SKP2: variants seen among roughly 807,000 people sequenced by gnomAD.
The protein encoded by SKP2 is S-phase kinase-associated protein 2.
In SKP2, 16 loss-of-function variants were observed where a neutral mutation model predicts 51.8. The observed-to-expected ratio is 0.31, with a 90% CI of 0.21 to 0.47. SKP2 has a LOEUF of 0.47. Ranked by LOEUF, SKP2 falls within the 20% of genes least tolerant of loss-of-function variation. The pLI, the probability that SKP2 is intolerant of heterozygous loss-of-function variation, is 1.00. For synonymous variants in SKP2, 176 were observed against 198.6 expected (o/e 0.89, Z 0.96); for missense variants, 377 against 505.3 (o/e 0.75, Z 2.43).
chr5:36,161,449 T>C (rs1440669402), intron 2 of SKP2, among the ~76,000 whole-genome samples: 1 of 152,110 alleles, frequency 6.6e-6, no homozygotes, highest in Admixed American at 6.6e-5. Flanking sequence ...TGATTTTAAA[T>C]GAATAGTAGT....
chr5:36,174,705 G>A (rs899480241), intron 7 of SKP2, among the ~76,000 whole-genome samples: 3 of 152,098 alleles, frequency 2.0e-5, no homozygotes, highest in Non-Finnish European at 2.9e-5. Context: ...CAGATAGAAT[G>A]TGGCAGAAAG....
At chr5:36,170,872 A>G (rs1157459957) in intron 6 of SKP2, among the ~76,000 whole-genome samples, 2 of 152,212 alleles carry the variant, frequency 1.3e-5, no homozygotes, top group African/African-American at 4.8e-5. Flanking sequence ...TAATAATGTC[A>G]GCACATAAAG....
At position 36,152,259 on chromosome 5, in the gene SKP2, C is replaced by G. The variant is rs1561528436; in HGVS notation, c.-4C>G. On this transcript the variant is annotated 5_prime_UTR_variant, in exon 1 of 10. Coordinates refer to ENST00000274255, the MANE Select transcript of SKP2 (RefSeq NM_005983.4). Reference sequence around the variant, plus strand: ...TATTTTAAACTCCCGGGCCTGCGGACGCTATGCACAGGTAAACGGATTGCA... The same window carrying G: ...TATTTTAAACTCCCGGGCCTGCGGAGGCTATGCACAGGTAAACGGATTGCA... 6.2e-7 allele frequency: 1 copy of G among 1,613,852 alleles called. No individual in the cohort carries two copies. The highest frequency in any genetic ancestry group is 8.5e-7 in the Non-Finnish European group (1 of 1,179,698).
rs530345304 is a variant in SKP2, at chr5:36,183,278, T to G, written c.*1247T>G. On this transcript the variant is annotated 3_prime_UTR_variant, in exon 10 of 10. Coordinates refer to ENST00000274255, the MANE Select transcript of SKP2 (RefSeq NM_005983.4). Reference sequence around the variant, plus strand: ...AAATTCTACTTCTATTTTTTTTTTTTTTTTTTGAGACGGAGTCTCGCTCTG... The same window carrying G: ...AAATTCTACTTCTATTTTTTTTTTTGTTTTTTGAGACGGAGTCTCGCTCTG... The G allele has an allele frequency of 1.2e-4, 105 of 875,858 alleles. No homozygotes were observed. In the African/African-American group the frequency reaches 1.8e-3, roughly 15 times the overall value. The allele number at this position is 875,858 out of a possible 1,614,324, so 54.3% of individuals were successfully genotyped here.
At chr5:36,171,230 G>A (rs1579566278) in intron 6 of SKP2, among the ~76,000 whole-genome samples, 1 of 152,156 alleles carries the variant, frequency 6.6e-6, no homozygotes, top group East Asian at 1.9e-4. Flanking sequence ...AATCCTCAGT[G>A]CAATCCATCA....
intron 2 of SKP2, among the ~76,000 whole-genome samples, chr5:36,155,572 A>G (rs1475732969): frequency 2.0e-5 from 3 of 152,216 alleles, no homozygotes; most frequent in Admixed American, 2.0e-4. Flanking sequence ...TTTGGAGGCT[A>G]GTGGACTTTT....
chr5:36,173,741 G>A (rs37217), intron 7 of SKP2, among the ~76,000 whole-genome samples: 131,502 of 152,146 alleles, frequency 0.86, 57,568 homozygotes, highest in Non-Finnish European at 0.94. Flanking sequence ...GAGACAGACT[G>A]TAAATTGAAG....
At chr5:36,168,948 C>T (rs938330809) in intron 5 of SKP2, among the ~76,000 whole-genome samples, 1 of 152,166 alleles carries the variant, frequency 6.6e-6, no homozygotes, top group African/African-American at 2.4e-5. Flanking sequence ...TTGAAGATAT[C>T]TAGGTAGGAG....
chr5:36,155,880 T>C (rs1368282160), intron 2 of SKP2, among the ~76,000 whole-genome samples: 1 of 152,152 alleles, frequency 6.6e-6, no homozygotes, highest in South Asian at 2.1e-4. Flanking sequence ...GAGTCTTTGC[T>C]ATTTCCCAGG....
downstream of SKP2, among the ~76,000 whole-genome samples, chr5:36,187,189 C>A (rs1036768861): frequency 2.6e-5 from 4 of 151,834 alleles, no homozygotes; most frequent in Admixed American, 1.3e-4. Flanking sequence ...AAAACCAGCT[C>A]CTGGATTCAT....
At chr5:36,189,934 C>G (rs1399224066) in intron 6 of SKP2, among the ~76,000 whole-genome samples, 2 of 152,214 alleles carry the variant, frequency 1.3e-5, no homozygotes, top group South Asian at 2.1e-4. Context: ...CACCCCTCCC[C>G]TAGCCTCGCT....
intron 4 of SKP2, 74 bp downstream of exon 4, chr5:36,166,736 T>C: frequency 3.6e-6 from 5 of 1,381,950 alleles, no homozygotes; most frequent in Non-Finnish European, 4.0e-6. Flanking sequence ...TTTTTTTTTT[T>C]TTTTCTTTCT....
Position 36,153,213 on chromosome 5 carries a change from G to GATATATATATAT in SKP2, c.280+190_280+201dup, listed in dbSNP as rs3038049. Among the ~76,000 whole-genome samples the GATATATATATAT allele has an allele frequency of 2.2e-3, 320 of 147,548 alleles. 2 individuals are homozygous for GATATATATATAT. Among genetic ancestry groups the GATATATATATAT allele is most frequent in the African/African-American group, 7.3e-3 (287 of 39,328 alleles). ...CGTCAAGTATGCAGGAATCTTGGTA[G>GATATATATATAT]ATATATATATATATATATATATATA... On this transcript the variant is annotated intron_variant, in intron 2 of 9. Coordinates refer to ENST00000274255, the MANE Select transcript of SKP2 (RefSeq NM_005983.4).
chr5:36,174,250 T>A (rs1030082751), intron 7 of SKP2, among the ~76,000 whole-genome samples: 8 of 152,100 alleles, frequency 5.3e-5, no homozygotes, highest in African/African-American at 1.9e-4. Flanking sequence ...TCCTTCTAGC[T>A]CAGGTTGGGT....
At chr5:36,188,738 G>A (rs373767116), downstream of SKP2, among the ~76,000 whole-genome samples, 3 of 152,084 alleles carry the variant, frequency 2.0e-5, no homozygotes, top group East Asian at 1.9e-4. Context: ...GAGTTTCTTT[G>A]TGGTGTTCTC....
At chr5:36,177,321 T>C (rs1472118720) in intron 9 of SKP2, 29 bp downstream of exon 9, 2 of 1,340,762 alleles carry the variant, frequency 1.5e-6, no homozygotes, top group Non-Finnish European at 2.1e-6. Flanking sequence ...TAATGCTTAA[T>C]AGAAGGCAGG....
chr5:36,156,586 G>A (rs1027207060), intron 2 of SKP2, among the ~76,000 whole-genome samples: 5 of 152,046 alleles, frequency 3.3e-5, no homozygotes, highest in Admixed American at 3.3e-4. Flanking sequence ...GGAGGAAATG[G>A]CCCAGCAATG....
chr5:36,167,211 A>C lies in SKP2; in HGVS notation c.536+549A>C, dbSNP rs962760606. Among the ~76,000 whole-genome samples, 4 of 152,178 alleles carry C rather than the reference A, an allele frequency of 2.6e-5. No homozygotes were observed. The East Asian group carries it at 7.7e-4, about 29-fold the overall frequency. Reference sequence around the variant, plus strand: ...GGTTACTGCTATCACATAGTAGAATAACTAGGTACTGAACAGAAAAACAAG... The same window carrying C: ...GGTTACTGCTATCACATAGTAGAATCACTAGGTACTGAACAGAAAAACAAG... On this transcript the variant is annotated intron_variant, in intron 4 of 9. Coordinates refer to ENST00000274255, the MANE Select transcript of SKP2 (RefSeq NM_005983.4).
In SKP2 at chr5:36,183,005, T is replaced by A. The variant is rs1579579610; in HGVS notation, c.*974T>A. The A allele has an allele frequency of 9.9e-6, 8 of 804,824 alleles. No homozygotes were observed. The highest frequency in any genetic ancestry group is 2.1e-5 in the African/African-American group (1 of 48,550). The allele number at this position is 804,824 out of a possible 1,614,324, so 49.9% of individuals were successfully genotyped here. On this transcript the variant is annotated 3_prime_UTR_variant, in exon 10 of 10. Transcript: ENST00000274255. ...AGTATTTTAAATTGTATTTTTTTTT[T>A]AAATGATCTCTCAGCAATAATTGTT...
Sources: gnomAD v4.1 joint callset for allele counts (sites outside exome capture counted in the v4.1 genomes callset) on GRCh38, gnomAD v4.1.1 for gene constraint, MANE v1.5 for transcripts, NCBI Gene and HGNC (gene_info 2026-07-23, HGNC 2026-07-21) for gene names.